The following ANK2 variants were observed in gnomAD, a reference collection of about 807,000 sequenced individuals.
ANK2 encodes ankyrin-2.
ANK2 carries 83 observed loss-of-function variants against 360.5 expected under a neutral mutation model. The ratio of observed to expected loss-of-function variants is 0.23; its 90% CI spans 0.19 to 0.28. The LOEUF (loss-of-function observed/expected upper bound fraction) is 0.28, where lower values mean the gene tolerates loss of function less well. Among genes scored for constraint, ANK2 ranks in the 10% least tolerant of loss-of-function variants. The pLI, the probability that ANK2 is intolerant of heterozygous loss-of-function variation, is 1.00. For missense variants in ANK2, 4,201 were observed against 4,795.7 expected (o/e 0.88, Z 3.66); for synonymous variants, 1,740 against 1,759.5 (o/e 0.99, Z 0.28).
rs759274800 is a variant in ANK2, at chr4:113,358,841, G to T, written c.10223G>T (p.Arg3408Leu). 1.9e-6 allele frequency: 3 copies of T among 1,613,926 alleles called. No individual in the cohort carries two copies. The African/African-American group carries it at 4.0e-5, about 22-fold the overall frequency. The change falls in exon 38 of 46, where the codon CGA becomes CTA. Residue 3408 changes from arginine (R) to leucine (L), a missense_variant. By Grantham distance (102) the Arg-to-Leu change is moderately radical. This residue lies in a region of ANK2 where 2,642 missense variants were observed against 2,714.5 expected (regional missense o/e 0.97). Transcript: ENST00000357077. ...AAGACCAAATGCCCAGTAAAAACCC[G>T]AAGTTACACTGAGACAGAAACAGAG... ...DSKTKCPVKT[R>L]SYTETETESR...
chr4:112,850,536 A>G (rs539144759), intron 1 of ANK2, among the ~76,000 whole-genome samples: 1 of 9,586 alleles, frequency 1.0e-4, no homozygotes, highest in South Asian at 3.5e-3. Flanking sequence ...TTTTTTTTTG[A>G]GACAGAGTCT....
chr4:112,717,068 AATGCTTT>A, the ANK2 span, among the ~76,000 whole-genome samples: 2 of 152,184 alleles, frequency 1.3e-5, no homozygotes, highest in African/African-American at 4.8e-5. Flanking sequence ...CATTCTTTTC[AATGCTTT>A]ATTTCACTAG....
intron 32 of ANK2, 80 bp downstream of exon 32, chr4:113,339,402 T>C (rs2093986658): frequency 8.5e-7 from 1 of 1,181,748 alleles, no homozygotes; most frequent in East Asian, 2.4e-5. Flanking sequence ...TTTTGTTTCT[T>C]TATTGTTTAA....
At chr4:112,977,771 CCT>C (rs2041922880) in intron 2 of ANK2, among the ~76,000 whole-genome samples, 1 of 151,982 alleles carries the variant, frequency 6.6e-6, no homozygotes, top group African/African-American at 2.4e-5. Context: ...GTGATGTTCC[CCT>C]CTCTGTGTCC....
chr4:112,845,573 C>T (rs1163567150), intron 1 of ANK2, among the ~76,000 whole-genome samples: 1 of 152,066 alleles, frequency 6.6e-6, no homozygotes, highest in Admixed American at 6.6e-5. Context: ...GTACGTGGAG[C>T]CCTCTCCTGG....
chr4:113,352,065 C>T (rs1001861454), intron 37 of ANK2, among the ~76,000 whole-genome samples: 1 of 152,190 alleles, frequency 6.6e-6, no homozygotes, highest in Non-Finnish European at 1.5e-5. Flanking sequence ...CACTTCGCCA[C>T]AGTAATGTTT....
chr4:113,358,370 C>G lies in ANK2; in HGVS notation c.9752C>G (p.Ala3251Gly). 1 of 1,614,084 alleles carries G rather than the reference C, an allele frequency of 6.2e-7. No homozygotes were observed. Reference sequence around the variant, plus strand: ...TCCTGCCCCGACTCTTCTGAACCAGCTGTACAAGTCCAGTTAGATTTTTCC... The same window carrying G: ...TCCTGCCCCGACTCTTCTGAACCAGGTGTACAAGTCCAGTTAGATTTTTCC... The part of the protein sequence containing the change: ...QISCPDSSEP[A>G]VQVQLDFSTL... Residue 3251 changes from alanine (A) to glycine (G), a missense_variant, in exon 38 of 46, where the codon GCT (alanine) becomes GGT (glycine). Transcript: ENST00000357077.
At position 113,369,551 on chromosome 4, in the gene ANK2, A is replaced by G; in HGVS notation, c.11356A>G (p.Lys3786Glu). 1.2e-6 allele frequency: 2 copies of G among 1,614,122 alleles called. No homozygotes were observed. Among genetic ancestry groups the G allele is most frequent in the East Asian group, 2.2e-5 (1 of 44,878 alleles). ...AGGAACAGAAACATCAGAGACTCAG[A>G]AGGCTATGATAGTACCCAGCTCTCC... Reference protein sequence around the residue: ...TPGTETSETQKAMIVPSSPSK... With the variant: ...TPGTETSETQEAMIVPSSPSK... Residue 3786 changes from lysine (K) to glutamate (E), a missense_variant, in exon 43 of 46, where the codon AAG becomes GAG. Coordinates refer to ENST00000357077, the MANE Select transcript of ANK2 (RefSeq NM_001148.6).
the ANK2 span, among the ~76,000 whole-genome samples, chr4:112,810,151 ATATATATATTTTTTTTTT>A: frequency 0.072 from 1,892 of 26,122 alleles, 69 homozygotes; most frequent in African/African-American, 0.24. Context: ...ATATATATAT[ATATATATATTTTTTTTTT>A]TTTTTTTTTT....
chr4:113,260,332 T>G (rs1208167072), intron 13 of ANK2, among the ~76,000 whole-genome samples: 1 of 152,212 alleles, frequency 6.6e-6, no homozygotes, highest in East Asian at 1.9e-4. Context: ...GACATATTTT[T>G]CAGGTTGTTG....
chr4:112,746,859 G>A, the ANK2 span, among the ~76,000 whole-genome samples: 1 of 152,152 alleles, frequency 6.6e-6, no homozygotes, highest in African/African-American at 2.4e-5. Flanking sequence ...AAAAAGACAT[G>A]CTTTTGTGAT....
At chr4:113,060,144 GT>G (rs1383279896) in intron 1 of ANK2, among the ~76,000 whole-genome samples, 1 of 152,084 alleles carries the variant, frequency 6.6e-6, no homozygotes, top group Non-Finnish European at 1.5e-5. Context: ...TCAAATAGGG[GT>G]CTTCTGTGGC....
intron 4 of ANK2, among the ~76,000 whole-genome samples, chr4:113,229,462 A>G (rs2099265969): frequency 2.0e-5 from 3 of 152,176 alleles, no homozygotes; most frequent in Non-Finnish European, 4.4e-5. Context: ...TCATCTCAAA[A>G]TTTTTAACTT....
chr4:112,812,179 G>C, the ANK2 span, among the ~76,000 whole-genome samples: 1 of 141,448 alleles, frequency 7.1e-6, no homozygotes, highest in Non-Finnish European at 1.5e-5. Context: ...TTCGTGTAAG[G>C]AATTGGTATA....
At chr4:112,763,483 C>T in the ANK2 span, among the ~76,000 whole-genome samples, 34 of 151,252 alleles carry the variant, frequency 2.2e-4, no homozygotes, top group African/African-American at 8.3e-4. Context: ...CTGCCTGCCT[C>T]GGCCTCCCAA....
In ANK2 at chr4:112,894,166, A is replaced by ATTT. The variant is rs1391016976; in HGVS notation, c.-39-10289_-39-10288insTTT. Reference sequence around the variant, plus strand: ...AAAATGCCCTAGTTGGCTTCTTTTAAAAAAAAAAATCAAATTCTCTCATTT... The same window carrying ATTT: ...AAAATGCCCTAGTTGGCTTCTTTTAATTTAAAAAAAAATCAAATTCTCTCATTT... On this transcript the variant is annotated intron_variant, in intron 1 of 30. Coordinates refer to the ANK2 transcript ENST00000503271. Among the ~76,000 whole-genome samples the ATTT allele has an allele frequency of 8.5e-3, 1,275 of 149,416 alleles. 12 individuals are homozygous for ATTT. Among genetic ancestry groups the ATTT allele is most frequent in the African/African-American group, 0.03 (1,197 of 39,948 alleles).
intron 2 of ANK2, among the ~76,000 whole-genome samples, chr4:113,039,097 C>T (rs2062276633): frequency 6.6e-6 from 1 of 152,030 alleles, no homozygotes; most frequent in Non-Finnish European, 1.5e-5. Flanking sequence ...TTAGAGAACA[C>T]TAAAAGGTAA....
At chr4:113,288,360 AT>A (rs1352907385) in intron 19 of ANK2, 27 bp from the exon 20 acceptor site, 1 of 1,586,026 alleles carries the variant, frequency 6.3e-7, no homozygotes, top group East Asian at 2.2e-5. Flanking sequence ...TACTTTATCT[AT>A]TTTTAACTTT....
intron 9 of ANK2, among the ~76,000 whole-genome samples, chr4:113,245,285 G>A (rs1181800173): frequency 6.6e-6 from 1 of 152,060 alleles, no homozygotes; most frequent in East Asian, 1.9e-4. Context: ...TATAATATTT[G>A]ATTACTAAAA....
Sources: gnomAD v4.1 joint callset for allele counts (sites outside exome capture counted in the v4.1 genomes callset) on GRCh38, gnomAD v4.1.1 for gene constraint, gnomAD v4.1.1 regional missense constraint, MANE v1.5 for transcripts, NCBI Gene and HGNC (gene_info 2026-07-23, HGNC 2026-07-21) for gene names.